PAK5: variants seen among roughly 807,000 people sequenced by gnomAD.
PAK5 encodes the protein p21 (RAC1) activated kinase 5, also known as serine/threonine-protein kinase PAK 5.
A neutral mutation model predicts 65.9 loss-of-function variants in PAK5; 16 were observed. The ratio of observed to expected loss-of-function variants is 0.24; its 90% CI spans 0.16 to 0.37. The LOEUF is 0.37. PAK5 is among the 10% of genes least tolerant of loss of function. The pLI, the probability that PAK5 is intolerant of heterozygous loss-of-function variation, is 1.00. For missense variants in PAK5, 785 were observed against 903.9 expected (o/e 0.87, Z 1.69); for synonymous variants, 371 against 354.9 (o/e 1.05, Z -0.51).
chr20:9,785,988 G>T (rs2048988841), intron 1 of PAK5, among the ~76,000 whole-genome samples: 1 of 152,040 alleles, frequency 6.6e-6, no homozygotes, highest in Admixed American at 6.6e-5. Flanking sequence ...GCTCTAGGGG[G>T]CTTCACGCTT....
chr20:9,556,551 C>T lies in PAK5; in HGVS notation c.1743+1057G>A, dbSNP rs145794435. 8.3e-3 allele frequency among the ~76,000 whole-genome samples: 1,259 copies of T among 152,300 alleles called. 14 individuals are homozygous for T. The highest frequency in any genetic ancestry group is 0.028 in the African/African-American group (1,148 of 41,568). On this transcript the variant is annotated intron_variant, in intron 7 of 9. Coordinates refer to ENST00000353224, the MANE Select transcript of PAK5 (RefSeq NM_177990.4). ...GCTCCATTCATGCCAAGGCCATTGC[C>T]TCTGGTGGGAGTTTCAGGGGGCTCC... is the stretch of plus-strand genomic sequence containing the variant.
chr20:9,809,855 G>A (rs919308799), intron 1 of PAK5, among the ~76,000 whole-genome samples: 2 of 152,128 alleles, frequency 1.3e-5, no homozygotes, highest in African/African-American at 4.8e-5. Context: ...TGCAAGGTCA[G>A]AATTTTACTC....
Position 9,838,420 on chromosome 20 carries a change from G to A in PAK5, c.-162+342C>T, listed in dbSNP as rs1055730355. On this transcript the variant is annotated intron_variant, in intron 1 of 9. Transcript: ENST00000353224. This position sits in a 1 kb window ranked among gnomAD's most constrained non-coding sequence, Gnocchi z 4.5. ...AGAACTGGTGCTGGGCTTGCGAGCA[G>A]TTCGGGGTACCAGCACGCTCTCAGG... is the stretch of plus-strand genomic sequence containing the variant. Among the ~76,000 whole-genome samples the A allele has an allele frequency of 6.6e-6, 1 of 152,120 alleles. No homozygotes were observed. The highest frequency in any genetic ancestry group is 2.4e-5 in the African/African-American group (1 of 41,428).
intron 1 of PAK5, among the ~76,000 whole-genome samples, chr20:9,785,296 A>C (rs1263841510): frequency 6.6e-6 from 1 of 152,196 alleles, no homozygotes; most frequent in Admixed American, 6.5e-5. Context: ...ACACATTATC[A>C]CTTGCCTTAG....
intron 1 of PAK5, among the ~76,000 whole-genome samples, chr20:9,772,072 C>G (rs2048839873): frequency 1.3e-5 from 2 of 152,136 alleles, no homozygotes; most frequent in South Asian, 4.1e-4. Flanking sequence ...TTATTACCCA[C>G]TTCTTGTACT....
At chr20:9,757,748 C>T (rs769264) in intron 1 of PAK5, among the ~76,000 whole-genome samples, 85,552 of 152,030 alleles carry the variant, frequency 0.56, 24,518 homozygotes, top group Admixed American at 0.65. Flanking sequence ...CATTTTTATG[C>T]ACATGTATAC....
In PAK5 at chr20:9,709,762, G is replaced by A. The variant is rs559200041; in HGVS notation, c.-12+1524C>T. Reference sequence around the variant, plus strand: ...CACTTTGCTGAGATCTTAAAATATCGTTCAGTTGAGCTATCATGAAAAACT... The same window carrying A: ...CACTTTGCTGAGATCTTAAAATATCATTCAGTTGAGCTATCATGAAAAACT... On this transcript the variant is annotated intron_variant, in intron 2 of 9. Transcript: ENST00000353224. 2.4e-4 allele frequency among the ~76,000 whole-genome samples: 37 copies of A among 152,238 alleles called. No individual in the cohort carries two copies. In the South Asian group the frequency reaches 6.0e-3, roughly 25 times the overall value.
chr20:9,832,226 A>G (rs1279217183), intron 1 of PAK5, among the ~76,000 whole-genome samples: 2 of 152,132 alleles, frequency 1.3e-5, no homozygotes, highest in African/African-American at 4.8e-5. Context: ...AATAAAAAAC[A>G]AGAGGAATAG....
intron 1 of PAK5, among the ~76,000 whole-genome samples, chr20:9,719,264 G>T (rs900799804): frequency 2.0e-5 from 3 of 152,184 alleles, no homozygotes; most frequent in Non-Finnish European, 4.4e-5. Flanking sequence ...TTATGCATTT[G>T]TCCAGTGAAG....
intron 2 of PAK5, among the ~76,000 whole-genome samples, chr20:9,650,837 A>G (rs2047193913): frequency 6.6e-6 from 1 of 152,188 alleles, no homozygotes; most frequent in Admixed American, 6.5e-5. Context: ...ACCCATTAAA[A>G]GGGGCCAAAG....
At chr20:9,572,904 G>A (rs2045816019) in intron 4 of PAK5, among the ~76,000 whole-genome samples, 1 of 152,120 alleles carries the variant, frequency 6.6e-6, no homozygotes, top group South Asian at 2.1e-4. Context: ...ATTTCCATAT[G>A]GCATGATGTC....
chr20:9,567,835 G>A, intron 4 of PAK5, among the ~76,000 whole-genome samples: 1 of 152,202 alleles, frequency 6.6e-6, no homozygotes. Flanking sequence ...ATAAAGCAGA[G>A]TGAGGGGGTT....
chr20:9,726,451 C>T (rs909128642), intron 1 of PAK5, among the ~76,000 whole-genome samples: 10 of 152,208 alleles, frequency 6.6e-5, no homozygotes, highest in Admixed American at 5.9e-4. Context: ...TTGCACACAG[C>T]GATTTAACTT....
rs190782849 is a variant in PAK5 at position 9,554,745 on chromosome 20, A to G, written c.1743+2863T>C. ...TAAAAGAAAAGTTTCCTTTTCCTAC[A>G]GATACTGGAGAAACCACTGGAGTCA... On this transcript the variant is annotated intron_variant, in intron 7 of 9. Transcript: ENST00000353224. Among the ~76,000 whole-genome samples the G allele has an allele frequency of 2.9e-3, 436 of 152,306 alleles. 1 individual carries two copies. The highest frequency in any genetic ancestry group is 4.6e-3 in the Non-Finnish European group (312 of 68,020).
At chr20:9,592,770 G>A (rs191710434) in intron 3 of PAK5, among the ~76,000 whole-genome samples, 1 of 152,276 alleles carries the variant, frequency 6.6e-6, no homozygotes, top group Admixed American at 6.5e-5. Context: ...TGCAGTTTAA[G>A]CTGAAAGGAG....
chr20:9,603,142 C>T (rs868593722), intron 3 of PAK5, among the ~76,000 whole-genome samples: 1 of 152,200 alleles, frequency 6.6e-6, no homozygotes, highest in Non-Finnish European at 1.5e-5. Flanking sequence ...ATTATAGACG[C>T]CTCCGGTGTA....
At chr20:9,746,550 C>T (rs563216053) in intron 1 of PAK5, among the ~76,000 whole-genome samples, 18 of 152,178 alleles carry the variant, frequency 1.2e-4, no homozygotes, top group African/African-American at 3.4e-4. Flanking sequence ...GATCTAAAGC[C>T]GTGCCATCCA....
intron 1 of PAK5, among the ~76,000 whole-genome samples, chr20:9,725,882 T>A (rs537250265): frequency 6.6e-6 from 1 of 152,236 alleles, no homozygotes; most frequent in African/African-American, 2.4e-5. Context: ...AAAAAGTATG[T>A]GCCATTACAA....
At position 9,811,142 on chromosome 20, in the gene PAK5, T is replaced by G. The variant is rs186713378; in HGVS notation, c.-162+27620A>C. Reference sequence around the variant, plus strand: ...TATGGAATATTTAATTTGAGCAAAATGAGCTCCAGATTGTTTACAAAGTAC... The same window carrying G: ...TATGGAATATTTAATTTGAGCAAAAGGAGCTCCAGATTGTTTACAAAGTAC... On this transcript the variant is annotated intron_variant, in intron 1 of 9. Transcript: ENST00000353224. 2.1e-3 allele frequency among the ~76,000 whole-genome samples: 321 copies of G among 152,262 alleles called. 2 individuals carry two copies. Among genetic ancestry groups the G allele is most frequent in the African/African-American group, 7.2e-3 (301 of 41,554 alleles).
Sources: gnomAD v4.1 joint callset for allele counts (sites outside exome capture counted in the v4.1 genomes callset) on GRCh38, gnomAD v4.1.1 for gene constraint, Gnocchi (gnomAD v3.1) non-coding constraint, MANE v1.5 for transcripts, NCBI Gene and HGNC (gene_info 2026-07-23, HGNC 2026-07-21) for gene names.